The following ANKRD44 variants were observed in gnomAD, a reference collection of about 807,000 sequenced individuals.
ANKRD44 encodes the protein ankyrin repeat domain 44.
ANKRD44 carries 35 observed loss-of-function variants against 116.0 expected under a neutral mutation model. The ratio of observed to expected loss-of-function variants is 0.30; its 90% confidence interval spans 0.23 to 0.40. The LOEUF (loss-of-function observed/expected upper bound fraction) is 0.40. ANKRD44 is among the 10% of genes least tolerant of loss of function. ANKRD44 has a pLI of 1.00. For synonymous variants in ANKRD44, 435 were observed against 461.8 expected (o/e 0.94, Z 0.74); for missense variants, 1,014 against 1,242.6 (o/e 0.82, Z 2.77).
intron 2 of ANKRD44, among the ~76,000 whole-genome samples, chr2:197,163,620 T>C (rs953847104): frequency 1.3e-5 from 2 of 152,146 alleles, no homozygotes; most frequent in Admixed American, 1.3e-4. Context: ...GCTGGTGATC[T>C]TTAACAGGCC....
At chr2:197,114,477 CT>C (rs1231271650) in intron 8 of ANKRD44, among the ~76,000 whole-genome samples, 1 of 152,218 alleles carries the variant, frequency 6.6e-6, no homozygotes, top group African/African-American at 2.4e-5. Context: ...CAGGGCAGAA[CT>C]CAGCATTGCC....
At chr2:197,026,047 C>CAAAAAAAAAAAAA (rs111706910) in intron 16 of ANKRD44, among the ~76,000 whole-genome samples, 3 of 130,362 alleles carry the variant, frequency 2.3e-5, no homozygotes, top group Non-Finnish European at 4.8e-5. Flanking sequence ...TAAAAAGAAA[C>CAAAAAAAAAAAAA]AAAAAAAAAA....
intron 25 of ANKRD44, among the ~76,000 whole-genome samples, chr2:196,996,785 T>C (rs904917223): frequency 5.3e-5 from 8 of 150,948 alleles, no homozygotes; most frequent in African/African-American, 1.9e-4. Context: ...ATGCCTGTAG[T>C]CCCAGCTACT....
chr2:197,009,070 A>G, intron 18 of ANKRD44, 39 bp from the exon 19 acceptor site: 2 of 1,510,730 alleles, frequency 1.3e-6, no homozygotes, highest in African/African-American at 2.7e-5. Flanking sequence ...TAACAGAACA[A>G]CACTACACAT....
At chr2:197,152,647 T>C (rs890539328) in intron 2 of ANKRD44, among the ~76,000 whole-genome samples, 2 of 152,288 alleles carry the variant, frequency 1.3e-5, no homozygotes, top group Non-Finnish European at 2.9e-5. Context: ...GAACTTGAAG[T>C]AGGTACATGC....
rs2081580773 is a variant in ANKRD44 at position 197,221,326 on chromosome 2, T to C, written c.28-34220A>G. Among the ~76,000 whole-genome samples, 9 of 151,974 alleles carry C rather than the reference T, an allele frequency of 5.9e-5. No homozygotes were observed. The South Asian group carries it at 1.9e-3, about 32-fold the overall frequency. ...AGAGTCTTACTCTGTTGCCCAGGCT[T>C]GAGTGCAGTGGAGTGATCATAGCTA... On this transcript the variant is annotated intron_variant, in intron 1 of 27. Coordinates refer to ENST00000282272, the MANE Select transcript of ANKRD44 (RefSeq NM_001195144.2).
chr2:197,247,876 G>A (rs1186762477), intron 1 of ANKRD44, among the ~76,000 whole-genome samples: 2 of 152,182 alleles, frequency 1.3e-5, no homozygotes, highest in South Asian at 2.1e-4. Flanking sequence ...GGCTGGCTGA[G>A]GAATGGAGGA....
chr2:197,089,403 A>G (rs988582225), intron 11 of ANKRD44, among the ~76,000 whole-genome samples: 1 of 152,232 alleles, frequency 6.6e-6, no homozygotes, highest in African/African-American at 2.4e-5. Flanking sequence ...AGGTAGTGAT[A>G]AGAAAGATTA....
chr2:197,301,538 A>T (rs940731867), intron 1 of ANKRD44: 3 of 152,152 alleles, frequency 2.0e-5, no homozygotes, highest in Non-Finnish European at 4.4e-5. Flanking sequence ...ACAATATGTG[A>T]TCTTTTATCT....
At chr2:197,182,592 A>G (rs925814324) in intron 2 of ANKRD44, among the ~76,000 whole-genome samples, 1 of 152,230 alleles carries the variant, frequency 6.6e-6, no homozygotes, top group Non-Finnish European at 1.5e-5. Context: ...GATAGTGACC[A>G]TGTCATCAAG....
intron 2 of ANKRD44, among the ~76,000 whole-genome samples, chr2:197,166,337 T>G (rs1024846874): frequency 6.6e-6 from 1 of 152,168 alleles, no homozygotes; most frequent in Non-Finnish European, 1.5e-5. Context: ...CTGAAGGACA[T>G]GTAATGCCAT....
intron 20 of ANKRD44, among the ~76,000 whole-genome samples, chr2:197,007,289 TGAAAA>T (rs2076218192): frequency 6.6e-6 from 1 of 151,730 alleles, no homozygotes; most frequent in African/African-American, 2.4e-5. Context: ...AAAAATGAAA[TGAAAA>T]AAGATCCTTG....
intron 1 of ANKRD44, chr2:197,296,425 A>G (rs919714424): frequency 6.6e-6 from 1 of 152,208 alleles, no homozygotes; most frequent in Non-Finnish European, 1.5e-5. Flanking sequence ...TATAAGTGTC[A>G]ATGTGGCTGA....
chr2:196,967,607 AT>A (rs2075683197), intron 21 of ANKRD44, among the ~76,000 whole-genome samples: 1 of 152,240 alleles, frequency 6.6e-6, no homozygotes. Flanking sequence ...TATGATACCA[AT>A]GCAAACCGGT....
chr2:197,251,048 T>C (rs1425331375), intron 1 of ANKRD44: 1 of 152,218 alleles, frequency 6.6e-6, no homozygotes, highest in African/African-American at 2.4e-5. Flanking sequence ...TTTTAAAATG[T>C]ATTTTATTTA....
At chr2:197,106,806 A>ATATATT (rs35186298) in intron 9 of ANKRD44, among the ~76,000 whole-genome samples, 1 of 136,586 alleles carries the variant, frequency 7.3e-6, no homozygotes, top group Non-Finnish European at 1.6e-5. Flanking sequence ...ATATATATAT[A>ATATATT]TTTTTTTTTT....
chr2:197,078,844 A>G, intron 15 of ANKRD44, 30 bp from the exon 16 acceptor site: 2 of 1,603,700 alleles, frequency 1.2e-6, no homozygotes, highest in South Asian at 2.2e-5. Context: ...GTGTTATTTT[A>G]GAAAACATCT....
At chr2:197,220,713 G>GGACTTTAAAATTTTAAAATGCT (rs1559161201) in intron 1 of ANKRD44, among the ~76,000 whole-genome samples, 8 of 152,102 alleles carry the variant, frequency 5.3e-5, no homozygotes, top group Admixed American at 5.2e-4. Context: ...AGTCTCAGAA[G>GGACTTTAAAATTTTAAAATGCT]GACTTTAAAA....
chr2:197,124,177 A>G (rs2078924082), intron 6 of ANKRD44, among the ~76,000 whole-genome samples: 1 of 152,044 alleles, frequency 6.6e-6, no homozygotes, highest in African/African-American at 2.4e-5. Context: ...TTTTTTTTAA[A>G]TGCTAATGCT....
Sources: allele counts gnomAD v4.1 joint callset (sites outside exome capture counted in the v4.1 genomes callset), GRCh38; gene constraint gnomAD v4.1.1; transcripts MANE v1.5; gene names NCBI Gene and HGNC (gene_info 2026-07-23, HGNC 2026-07-21).